PCDH15: variants seen among roughly 807,000 people sequenced by gnomAD.
PCDH15 encodes protocadherin related 15, also known as protocadherin-15.
Under a neutral mutation model 178.5 loss-of-function variants are expected in PCDH15, and 129 were observed. The observed-to-expected ratio is 0.72, with a 90% CI of 0.63 to 0.84. The LOEUF (loss-of-function observed/expected upper bound fraction) is 0.84, where lower values mean the gene tolerates loss of function less well. PCDH15 is among the 40% of genes least tolerant of loss of function. The probability of loss-of-function intolerance (pLI) is 0.00; values close to 1 mark genes in which losing one functional copy is unlikely to be tolerated. For missense variants in PCDH15, 2,230 were observed against 2,099.9 expected (o/e 1.06, Z -1.21); for synonymous variants, 800 against 732.0 (o/e 1.09, Z -1.50).
At chr10:54,066,650 G>A (rs1332584371) in intron 18 of PCDH15, 107 bp downstream of exon 18, 1 of 1,110,630 alleles carries the variant, frequency 9.0e-7, no homozygotes, top group Non-Finnish European at 1.3e-6. Flanking sequence ...ATCCAGCACA[G>A]TCATTTAACA....
intron 2 of PCDH15, among the ~76,000 whole-genome samples, chr10:55,614,100 C>A (rs1843427173): frequency 7.5e-6 from 1 of 132,602 alleles, no homozygotes; most frequent in African/African-American, 2.8e-5. Context: ...GGCAACAGAG[C>A]CAGACTCCAT....
chr10:54,746,464 A>G (rs1304210971), intron 1 of PCDH15, among the ~76,000 whole-genome samples: 1 of 152,202 alleles, frequency 6.6e-6, no homozygotes, highest in East Asian at 1.9e-4. Context: ...CCAAAAGAGT[A>G]TAAGTGGATT....
At chr10:53,903,172 AC>A in intron 26 of PCDH15, 70 bp downstream of exon 26, 1 of 1,565,288 alleles carries the variant, frequency 6.4e-7, no homozygotes, top group Non-Finnish European at 8.7e-7. Flanking sequence ...AATGCAAACT[AC>A]AGGCTTACAG....
chr10:54,387,281 T>C (rs1001594984), intron 3 of PCDH15, among the ~76,000 whole-genome samples: 4 of 152,130 alleles, frequency 2.6e-5, no homozygotes, highest in African/African-American at 9.7e-5. Context: ...CATACCCATG[T>C]TCCTGGCAGC....
intron 13 of PCDH15, among the ~76,000 whole-genome samples, chr10:54,170,555 T>C (rs10825254): frequency 0.31 from 46,738 of 150,318 alleles, 7,972 homozygotes; most frequent in African/African-American, 0.38. Context: ...TCAGCTATAC[T>C]CACTCTTTGT....
At chr10:53,955,103 G>A (rs1459079443) in intron 23 of PCDH15, among the ~76,000 whole-genome samples, 1 of 152,132 alleles carries the variant, frequency 6.6e-6, no homozygotes, top group South Asian at 2.1e-4. Context: ...ATGTAGACCC[G>A]TACCTGGATT....
chr10:54,964,264 G>A (rs1838726867), intron 2 of PCDH15, among the ~76,000 whole-genome samples: 1 of 152,176 alleles, frequency 6.6e-6, no homozygotes, highest in South Asian at 2.1e-4. Context: ...CATTAGTTCG[G>A]TGGGGCAATT....
rs190595369 is a variant in PCDH15, at chr10:54,630,427, C to A, written c.91+33745G>T. Among the ~76,000 whole-genome samples, 980 of 152,246 alleles carry A rather than the reference C, an allele frequency of 6.4e-3. 5 individuals are homozygous for A. The highest frequency in any genetic ancestry group is 9.7e-3 in the Non-Finnish European group (659 of 68,018). On this transcript the variant is annotated intron_variant, in intron 2 of 37. Coordinates refer to ENST00000644397, the MANE Select transcript of PCDH15 (RefSeq NM_001384140.1). ...AGCAATGGAGAAAGGACTTTCTATT[C>A]AATAAATGGTGCTAGTTTAACTGGC...
chr10:53,955,786 A>T (rs972102504), intron 23 of PCDH15, among the ~76,000 whole-genome samples: 1 of 152,190 alleles, frequency 6.6e-6, no homozygotes, highest in Non-Finnish European at 1.5e-5. Flanking sequence ...TAATAATGTC[A>T]TTTAGCATCT....
At chr10:55,124,320 A>AT (rs993468476) in intron 2 of PCDH15, among the ~76,000 whole-genome samples, 3 of 152,162 alleles carry the variant, frequency 2.0e-5, no homozygotes, top group African/African-American at 7.2e-5. Flanking sequence ...GGTAGGGTTG[A>AT]TATGTCAGCT....
rs1198732380 is a variant in PCDH15 at position 53,806,692 on chromosome 10, T to TGTCA, written c.5106_5109dup (p.Ser1704Ter). On this transcript the variant is annotated stop_gained and frameshift_variant, in exon 38 of 38. Coordinates refer to ENST00000644397, the MANE Select transcript of PCDH15 (RefSeq NM_001384140.1). LOFTEE classifies it high-confidence loss of function. ...TCCAAAGCCTCCTTGATGTTCTTAC[T>TGTCA]GTCAATCATGGACTCCTGTTCAACT... The TGTCA allele has an allele frequency of 1.9e-6, 3 of 1,613,890 alleles. No homozygotes were observed. The Admixed American group carries it at 5.0e-5, about 27-fold the overall frequency.
chr10:55,121,290 G>A (rs374168388), intron 2 of PCDH15, among the ~76,000 whole-genome samples: 2 of 151,300 alleles, frequency 1.3e-5, no homozygotes, highest in African/African-American at 4.8e-5. Context: ...TCTCTCCTTT[G>A]AAATGGGAAT....
intron 8 of PCDH15, among the ~76,000 whole-genome samples, chr10:54,286,628 AT>A (rs200217877): frequency 6.6e-6 from 1 of 151,418 alleles, no homozygotes; most frequent in African/African-American, 2.4e-5. Flanking sequence ...ACTCTTCCTG[AT>A]TTTTTTTTCT....
At chr10:54,544,559 G>T (rs1238138597) in intron 2 of PCDH15, among the ~76,000 whole-genome samples, 2 of 152,022 alleles carry the variant, frequency 1.3e-5, no homozygotes, top group Non-Finnish European at 2.9e-5. Context: ...CCTTCCCAAG[G>T]GTGGTACTCC....
chr10:55,554,572 G>A (rs922757198), intron 2 of PCDH15, among the ~76,000 whole-genome samples: 11 of 151,866 alleles, frequency 7.2e-5, no homozygotes, highest in African/African-American at 1.2e-4. Flanking sequence ...AATCAAACAC[G>A]GATCGAAAAT....
At chr10:54,619,688 T>G (rs2134402762) in intron 2 of PCDH15, among the ~76,000 whole-genome samples, 1 of 152,182 alleles carries the variant, frequency 6.6e-6, no homozygotes, top group South Asian at 2.1e-4. Flanking sequence ...CTTCCACCAT[T>G]ACTGCTATAC....
intron 3 of PCDH15, among the ~76,000 whole-genome samples, chr10:54,516,318 A>G (rs2082211921): frequency 1.4e-5 from 2 of 141,620 alleles, no homozygotes; most frequent in East Asian, 2.2e-4. Context: ...GAAAAAAAAA[A>G]TTAGATGAAT....
At chr10:54,599,980 T>G (rs1181602209) in intron 2 of PCDH15, 3 of 1,244,272 alleles carry the variant, frequency 2.4e-6, no homozygotes, top group Non-Finnish European at 3.4e-6. Context: ...AAAAGCCAAG[T>G]CTACTGTGCC....
intron 1 of PCDH15, among the ~76,000 whole-genome samples, chr10:55,263,691 T>TG (rs1293753096): frequency 6.6e-6 from 1 of 152,138 alleles, no homozygotes; most frequent in African/African-American, 2.4e-5. Context: ...CCCCAGGATC[T>TG]CCCCCTTTTG....
Sources: gnomAD v4.1 joint callset for allele counts (sites outside exome capture counted in the v4.1 genomes callset) on GRCh38, gnomAD v4.1.1 for gene constraint, MANE v1.5 for transcripts, NCBI Gene and HGNC (gene_info 2026-07-23, HGNC 2026-07-21) for gene names.